Variants in AASDHPPT observed in about 807,000 individuals in gnomAD.
The protein encoded by AASDHPPT is L-aminoadipate-semialdehyde dehydrogenase-phosphopantetheinyl transferase.
AASDHPPT carries 23 observed loss-of-function variants against 36.4 expected under a neutral mutation model. The observed-to-expected ratio is 0.63, with a 90% CI of 0.45 to 0.89. The LOEUF is 0.89. Ranked by LOEUF, AASDHPPT falls within the 40% of genes least tolerant of loss-of-function variation. The pLI is 0.00. For synonymous variants in AASDHPPT, 115 were observed against 128.0 expected (o/e 0.90, Z 0.68); for missense variants, 377 against 378.2 (o/e 1.00, Z 0.03).
rs918368475 is a variant in AASDHPPT, at chr11:106,098,101, C to T, written c.*1194C>T. The T allele has an allele frequency of 3.9e-5, 6 of 151,984 alleles. No homozygotes were observed. The highest frequency in any genetic ancestry group is 1.4e-4 in the African/African-American group (6 of 41,410). 9.4% of individuals were successfully genotyped at this position (151,984 alleles called of 1,614,324 possible). A position where few individuals can be genotyped will look rare whatever the true frequency, so the allele number is the denominator to read the frequency against. ...GTACTATATGTATGTGACTTCCCTC[C>T]CCCTGCCAGAATACTCCTTGGTCAA... On this transcript the variant is annotated 3_prime_UTR_variant, in exon 6 of 6. Coordinates refer to ENST00000278618, the MANE Select transcript of AASDHPPT (RefSeq NM_015423.3).
At chr11:106,085,121 T>G (rs1325948427) in intron 2 of AASDHPPT, among the ~76,000 whole-genome samples, 1 of 152,034 alleles carries the variant, frequency 6.6e-6, no homozygotes, top group East Asian at 1.9e-4. Context: ...TGTTTTTTTT[T>G]GAGACAGTCT....
In AASDHPPT at chr11:106,077,856, G is replaced by A; in HGVS notation, c.146G>A (p.Gly49Asp). Reference sequence around the variant, plus strand: ...CAGCCCGAGGAGAAGGAGCGCATTGGCCAGTTCGTCTTTGCCCGGGACGCT... The same window carrying A: ...CAGCCCGAGGAGAAGGAGCGCATTGACCAGTTCGTCTTTGCCCGGGACGCT... ...SIQPEEKERI[G>D]QFVFARDAKA... Residue 49 changes from glycine to aspartate, a missense_variant, in exon 1 of 6, where the codon GGC becomes GAC. By Grantham distance (94) the Gly-to-Asp change is moderately conservative. Transcript: ENST00000278618. 6.2e-7 allele frequency: 1 copy of A among 1,614,166 alleles called. No homozygotes were observed. The highest frequency in any genetic ancestry group is 1.1e-5 in the South Asian group (1 of 91,082).
intron 4 of AASDHPPT, 143 bp downstream of exon 4, chr11:106,091,620 A>T (rs1049489102): frequency 2.1e-5 from 15 of 724,520 alleles, no homozygotes; most frequent in Non-Finnish European, 4.3e-6. Context: ...CAGGGCTACT[A>T]TGAGAGCATG....
chr11:106,096,407 T>C (rs566596223), intron 5 of AASDHPPT: 1 of 172,154 alleles, frequency 5.8e-6, no homozygotes, highest in East Asian at 1.6e-4. Context: ...CAAAATAACC[T>C]GACTGCTCGT....
rs1376382824 is a variant in AASDHPPT, at chr11:106,077,674, T to G, written c.-37T>G. The stretch of plus-strand genomic sequence containing the variant: ...TGGGGCCACGTTTGCGTCCGCGCCA[T>G]CAGGCCCGAGATAGCGGCGAGGTCC... On this transcript the variant is annotated 5_prime_UTR_variant, in exon 1 of 6. Transcript: ENST00000278618. 8.8e-6 allele frequency: 14 copies of G among 1,595,204 alleles called. No individual in the cohort carries two copies. The highest frequency in any genetic ancestry group is 1.2e-5 in the Non-Finnish European group (14 of 1,167,172).
At chr11:106,082,701 C>T (rs896214173) in intron 2 of AASDHPPT, among the ~76,000 whole-genome samples, 2 of 152,144 alleles carry the variant, frequency 1.3e-5, no homozygotes, top group African/African-American at 2.4e-5. Flanking sequence ...AGAGAACATA[C>T]CTAGTATATA....
At chr11:106,094,694 A>G in intron 5 of AASDHPPT, 40 bp downstream of exon 5, 2 of 1,479,258 alleles carry the variant, frequency 1.4e-6, no homozygotes, top group Non-Finnish European at 1.9e-6. Flanking sequence ...AATAGCATGA[A>G]TCAATGTTAA....
intron 4 of AASDHPPT, chr11:106,092,943 A>G (rs1007141657): frequency 2.0e-5 from 3 of 152,286 alleles, no homozygotes; most frequent in East Asian, 1.9e-4. Flanking sequence ...TGCATTTTCC[A>G]TGTAACCATA....
intron 2 of AASDHPPT, among the ~76,000 whole-genome samples, chr11:106,082,124 G>A: frequency 6.6e-6 from 1 of 151,928 alleles, no homozygotes; most frequent in South Asian, 2.1e-4. Flanking sequence ...TTTTTTAGTT[G>A]ATCTTACTTG....
rs1206358529 is a variant in AASDHPPT, at chr11:106,097,702, A to T, written c.*795A>T. The T allele has an allele frequency of 6.6e-6, 1 of 152,150 alleles. No individual in the cohort carries two copies. The highest frequency in any genetic ancestry group is 2.4e-5 in the African/African-American group (1 of 41,448). 9.4% of individuals were successfully genotyped at this position (152,150 alleles called of 1,614,324 possible). On this transcript the variant is annotated 3_prime_UTR_variant, in exon 6 of 6. Coordinates refer to ENST00000278618, the MANE Select transcript of AASDHPPT (RefSeq NM_015423.3). ...GTTTTATCCATGAGGAAGATTTTTA[A>T]CAAAAGCCTCCAGAAGATTTCCCCT...
intron 2 of AASDHPPT, 70 bp from the exon 3 acceptor site, chr11:106,090,487 T>G: frequency 7.6e-7 from 1 of 1,316,036 alleles, no homozygotes. Flanking sequence ...TCTTGAACAG[T>G]TTTAGTAATA....
At chr11:106,081,113 G>A (rs1861134128) in intron 2 of AASDHPPT, among the ~76,000 whole-genome samples, 1 of 152,182 alleles carries the variant, frequency 6.6e-6, no homozygotes, top group African/African-American at 2.4e-5. Context: ...TGCCTAGCAT[G>A]TAATAGTAAA....
intron 2 of AASDHPPT, among the ~76,000 whole-genome samples, chr11:106,080,762 A>G (rs1254521250): frequency 6.6e-6 from 1 of 152,210 alleles, no homozygotes; most frequent in East Asian, 1.9e-4. Context: ...TCTAATCTCC[A>G]TACTGCCTGC....
rs780634852 is a variant in AASDHPPT at position 106,079,631 on chromosome 11, A to G, written c.348A>G (p.Ala116=). Reference sequence around the variant, plus strand: ...ACATCTCTCATCAAGGAGACTATGCAGTGCTTGCTGCTGAACCTGAGCTGC... The same window carrying G: ...ACATCTCTCATCAAGGAGACTATGCGGTGCTTGCTGCTGAACCTGAGCTGC... ...NFNISHQGDY[A]VLAAEPELQV... Residue 116 remains alanine, a synonymous_variant, in exon 2 of 6, where the codon GCA becomes GCG. Coordinates refer to ENST00000278618, the MANE Select transcript of AASDHPPT (RefSeq NM_015423.3). The G allele has an allele frequency of 2.0e-5, 33 of 1,614,104 alleles. No individual in the cohort carries two copies. The highest frequency in any genetic ancestry group is 4.4e-5 in the South Asian group (4 of 91,094).
intron 3 of AASDHPPT, 139 bp from the exon 4 acceptor site, chr11:106,091,177 G>A: frequency 3.0e-6 from 2 of 674,502 alleles, no homozygotes; most frequent in Non-Finnish European, 4.7e-6. Context: ...CATGCTGTAA[G>A]GGTTTTTTTT....
At chr11:106,080,863 A>G (rs1009426940) in intron 2 of AASDHPPT, among the ~76,000 whole-genome samples, 1 of 152,094 alleles carries the variant, frequency 6.6e-6, no homozygotes, top group Admixed American at 6.5e-5. Flanking sequence ...GAGAACTCCT[A>G]TTTACTTGTT....
intron 5 of AASDHPPT, 161 bp from the exon 6 acceptor site, chr11:106,096,582 G>A: frequency 2.0e-6 from 1 of 498,012 alleles, no homozygotes; most frequent in Non-Finnish European, 3.3e-6. Context: ...TGTTGTATTG[G>A]CAACACTAAT....
chr11:106,077,986 CGCGACCCTCTCGCTGTGGAGCCTGTG>C, intron 1 of AASDHPPT, 93 bp downstream of exon 1: 1 of 1,447,056 alleles, frequency 6.9e-7, no homozygotes, highest in East Asian at 2.5e-5. Context: ...CCGCGCTGGC[CGCGACCCTCTCGCTGTGGAGCCTGTG>C]GCCGGCCCGG....
intron 5 of AASDHPPT, chr11:106,096,500 GTAAAATACCACAGGTTTTTGTTA>G: frequency 3.3e-6 from 1 of 303,770 alleles, no homozygotes; most frequent in South Asian, 1.1e-4. Flanking sequence ...AAATCTACAT[GTAAAATACCACAGGTTTTTGTTA>G]TATAAAAAAG....
Sources: allele counts gnomAD v4.1 joint callset (sites outside exome capture counted in the v4.1 genomes callset), GRCh38; gene constraint gnomAD v4.1.1; transcripts MANE v1.5; gene names NCBI Gene and HGNC (gene_info 2026-07-23, HGNC 2026-07-21).